PCDHGA4: variants seen among roughly 807,000 people sequenced by gnomAD.
PCDHGA4 encodes the protein protocadherin gamma-A4.
Under a neutral mutation model 54.6 loss-of-function variants are expected in PCDHGA4, and 38 were observed. That is an observed-to-expected ratio of 0.70 (90% CI 0.54 to 0.91). PCDHGA4 has a LOEUF of 0.91. Ranked by LOEUF, PCDHGA4 falls within the 40% of genes least tolerant of loss-of-function variation. The pLI, the probability that PCDHGA4 is intolerant of heterozygous loss-of-function variation, is 0.00. For synonymous variants in PCDHGA4, 511 were observed against 512.9 expected (o/e 1.00, Z 0.05); for missense variants, 1,298 against 1,220.9 (o/e 1.06, Z -0.94).
intron 1 of PCDHGA4, chr5:141,413,265 T>A (rs1301684620): frequency 6.2e-7 from 1 of 1,613,840 alleles, no homozygotes; most frequent in African/African-American, 1.3e-5. Context: ...CATGGGAGGC[T>A]GGAGCCCGGC....
At chr5:141,379,494 T>C (rs1469467454) in intron 1 of PCDHGA4, 2 of 152,242 alleles carry the variant, frequency 1.3e-5, no homozygotes, top group Non-Finnish European at 2.9e-5. Context: ...ATACTACCAA[T>C]TTGGGATGTT....
chr5:141,492,691 C>G (rs2099743102), intron 1 of PCDHGA4, among the ~76,000 whole-genome samples: 1 of 152,274 alleles, frequency 6.6e-6, no homozygotes, highest in South Asian at 2.1e-4. Flanking sequence ...TCGGCGACCC[C>G]TCAACCCAGA....
chr5:141,370,155 T>C, intron 1 of PCDHGA4: 1 of 456,622 alleles, frequency 2.2e-6, no homozygotes, highest in Non-Finnish European at 3.8e-6. Flanking sequence ...TTACTGCAGT[T>C]CTGCAGCAGA....
At chr5:141,497,500 T>G (rs1468175808) in intron 2 of PCDHGA4, among the ~76,000 whole-genome samples, 2 of 151,562 alleles carry the variant, frequency 1.3e-5, no homozygotes, top group Non-Finnish European at 2.9e-5. Context: ...CTCTCTCCTC[T>G]CTCTGCTTCC....
At chr5:141,366,512 G>A (rs1764605826) in intron 1 of PCDHGA4, 1 of 1,614,288 alleles carries the variant, frequency 6.2e-7, no homozygotes, top group Non-Finnish European at 8.5e-7. Context: ...GCTTCAGGCT[G>A]AAGGCAGCAG....
At chr5:141,415,895 G>A in intron 1 of PCDHGA4, 1 of 898,210 alleles carries the variant, frequency 1.1e-6, no homozygotes, top group Non-Finnish European at 1.5e-6. Flanking sequence ...CAATTCCTAA[G>A]ACAGACTTCC....
intron 1 of PCDHGA4, among the ~76,000 whole-genome samples, chr5:141,425,967 G>A (rs1021171082): frequency 2.0e-5 from 3 of 152,214 alleles, no homozygotes; most frequent in Non-Finnish European, 4.4e-5. Flanking sequence ...CAACACATCA[G>A]TCTAATTCTG....
rs766260971 is a variant in PCDHGA4 at position 141,365,497 on chromosome 5, T to A, written c.2514+7876T>A. On this transcript the variant is annotated intron_variant, in intron 1 of 3. Transcript: ENST00000571252. ...AGATTGCATGCTCTATTCCTAGGAA[T>A]TTGCCTTTTAAATTGGAGAAGTCAG... 3.1e-6 allele frequency: 5 copies of A among 1,613,978 alleles called. No homozygotes were observed. The South Asian group carries it at 4.4e-5, about 14-fold the overall frequency.
rs115808055 is a variant in PCDHGA4 at position 141,476,782 on chromosome 5, A to G, written c.2515-18025A>G. Reference sequence around the variant, plus strand: ...TGACGGCGTTGGACGGAGGGACCCCAGCTCTCTCCGCCAGCCTGCCTATTC... The same window carrying G: ...TGACGGCGTTGGACGGAGGGACCCCGGCTCTCTCCGCCAGCCTGCCTATTC... On this transcript the variant is annotated intron_variant, in intron 1 of 3. Transcript: ENST00000571252. This position sits in a 1 kb window ranked among gnomAD's most constrained non-coding sequence, Gnocchi z 7.6. 18,517 of 1,613,566 alleles carry G rather than the reference A, an allele frequency of 0.011. 139 individuals are homozygous for G. Among genetic ancestry groups the G allele is most frequent in the Non-Finnish European group, 0.014 (16,976 of 1,179,996 alleles).
At chr5:141,437,741 C>CT (rs35124340) in intron 1 of PCDHGA4, among the ~76,000 whole-genome samples, 18,734 of 141,656 alleles carry the variant, frequency 0.13, 1,459 homozygotes, top group African/African-American at 0.22. Context: ...TTGAGTTCAC[C>CT]TTTTTTTTTT....
At position 141,489,425 on chromosome 5, in the gene PCDHGA4, G is replaced by C. The variant is rs779739693; in HGVS notation, c.2515-5382G>C. On this transcript the variant is annotated intron_variant, in intron 1 of 3. Transcript: ENST00000571252. This position sits in a 1 kb window ranked among gnomAD's most constrained non-coding sequence, Gnocchi z 4.5. ...TTAAAGATGACAGATCTGTTGAGCC[G>C]GCGGCTGCAATTGGGCTCTGAGGAG... The C allele has an allele frequency of 4.3e-6, 7 of 1,614,118 alleles. No individual in the cohort carries two copies. The highest frequency in any genetic ancestry group is 1.1e-5 in the South Asian group (1 of 91,070).
At chr5:141,362,694 C>A in intron 1 of PCDHGA4, 1 of 1,100,690 alleles carries the variant, frequency 9.1e-7, no homozygotes. Flanking sequence ...TCTTATCTAA[C>A]TGAATTTTAA....
At chr5:141,381,409 G>T (rs998398001) in intron 1 of PCDHGA4, among the ~76,000 whole-genome samples, 1 of 152,220 alleles carries the variant, frequency 6.6e-6, no homozygotes, top group Non-Finnish European at 1.5e-5. Context: ...CAACATCAGT[G>T]GAGAGACGAG....
chr5:141,473,148 C>T (rs1381616255), intron 1 of PCDHGA4, among the ~76,000 whole-genome samples: 1 of 152,184 alleles, frequency 6.6e-6, no homozygotes, highest in Non-Finnish European at 1.5e-5. Flanking sequence ...CTCTTCAGAT[C>T]ACTAGGGCTA....
rs61612330 is a variant in PCDHGA4, at chr5:141,454,796, A to ATTTTTTTTTTTTTTTTT, written c.2515-39998_2515-39982dup. Among the ~76,000 whole-genome samples the ATTTTTTTTTTTTTTTTT allele has an allele frequency of 1.9e-3, 147 of 77,454 alleles. 11 individuals carry two copies. Among genetic ancestry groups the ATTTTTTTTTTTTTTTTT allele is most frequent in the Middle Eastern group, 0.017 (2 of 120 alleles). 50.8% of individuals were successfully genotyped at this position (77,454 alleles called of 152,430 possible). ...AAGGAAATAATCCTCCATGGTTCTA[A>ATTTTTTTTTTTTTTTTT]TTTTTTTTTTTTTTTTTTTTTTTTT... On this transcript the variant is annotated intron_variant, in intron 1 of 3. Coordinates refer to ENST00000571252, the MANE Select transcript of PCDHGA4 (RefSeq NM_018917.4).
rs2233600 is a variant in PCDHGA4, at chr5:141,489,134, A to C, written c.2515-5673A>C. 9,827 of 731,232 alleles carry C rather than the reference A, an allele frequency of 0.013. 1,099 individuals are homozygous for C. The East Asian group carries it at 0.25, about 19-fold the overall frequency. The allele number at this position is 731,232 out of a possible 1,614,324, so 45.3% of individuals were successfully genotyped here. A position where few individuals can be genotyped will look rare whatever the true frequency, so the allele number is the denominator to read the frequency against. Reference sequence around the variant, plus strand: ...GGCAAACCTCCGAGCAGTTTTTAAGAGGCTGGAAGGAGACATAAGAGACTT... The same window carrying C: ...GGCAAACCTCCGAGCAGTTTTTAAGCGGCTGGAAGGAGACATAAGAGACTT... On this transcript the variant is annotated intron_variant, in intron 1 of 3. Transcript: ENST00000571252. The surrounding 1 kb of genome is among the most constrained non-coding windows in gnomAD (Gnocchi z 4.5).
intron 1 of PCDHGA4, chr5:141,478,480 G>C (rs1444434721): frequency 1.9e-6 from 3 of 1,613,564 alleles, no homozygotes; most frequent in South Asian, 2.2e-5. Flanking sequence ...GCCAGAACAC[G>C]CTGCGGAGCT....
chr5:141,447,824 G>T (rs926580893), intron 1 of PCDHGA4, among the ~76,000 whole-genome samples: 2 of 152,034 alleles, frequency 1.3e-5, no homozygotes, highest in Non-Finnish European at 2.9e-5. Context: ...GGTGGCTCAC[G>T]CCTGTAATCC....
chr5:141,453,546 C>T lies in PCDHGA4; in HGVS notation c.2515-41261C>T, dbSNP rs116481133. Among the ~76,000 whole-genome samples, 695 of 152,296 alleles carry T rather than the reference C, an allele frequency of 4.6e-3. 4 individuals are homozygous for T. Among genetic ancestry groups the T allele is most frequent in the African/African-American group, 0.015 (634 of 41,558 alleles). On this transcript the variant is annotated intron_variant, in intron 1 of 3. Transcript: ENST00000571252. ...TACCTTCTGCCTCATTCACACCACA[C>T]TCTGTAGATAATCGATTTCATTAGT...
Sources: allele counts gnomAD v4.1 joint callset (sites outside exome capture counted in the v4.1 genomes callset), GRCh38; gene constraint gnomAD v4.1.1; non-coding constraint Gnocchi (gnomAD v3.1); transcripts MANE v1.5; gene names NCBI Gene and HGNC (gene_info 2026-07-23, HGNC 2026-07-21).